IL1F10: variants seen among roughly 807,000 people sequenced by gnomAD.
IL1F10 encodes the protein interleukin 1 family member 10.
IL1F10 carries 13 observed loss-of-function variants against 13.1 expected under a neutral mutation model. The ratio of observed to expected loss-of-function variants is 0.99; its 90% CI spans 0.64 to 1.57. The LOEUF (loss-of-function observed/expected upper bound fraction) is 1.57. Among genes scored for constraint, IL1F10 ranks in the 40% most tolerant of loss-of-function variants. The probability of loss-of-function intolerance (pLI) is 0.00; values close to 1 mark genes in which losing one functional copy is unlikely to be tolerated. For missense variants in IL1F10, 191 were observed against 184.1 expected, an observed-to-expected ratio of 1.04 and a Z score of -0.22; for synonymous variants, 78 against 68.2, an observed-to-expected ratio of 1.14 and a Z score of -0.71.
At chr2:113,074,653 C>G (rs1460941192) in intron 3 of IL1F10, 70 bp from the exon 4 acceptor site, 1 of 1,585,278 alleles carries the variant, frequency 6.3e-7, no homozygotes, top group Non-Finnish European at 8.7e-7. Flanking sequence ...CCTGCCTGAG[C>G]CTTTACCTGC....
In IL1F10 at chr2:113,072,725, C is replaced by G. The variant is rs1248859233; in HGVS notation, c.-14C>G. On this transcript the variant is annotated 5_prime_UTR_variant, in exon 2 of 5. Coordinates refer to ENST00000341010, the MANE Select transcript of IL1F10 (RefSeq NM_173161.3). ...CTCCCCATCAGTGAGGACCAGACAC[C>G]ACTGATTGCAGGAATGTGTTCCCTC... is the stretch of plus-strand genomic sequence containing the variant. 6.2e-7 allele frequency: 1 copy of G among 1,612,416 alleles called. No homozygotes were observed.
intron 1 of IL1F10, among the ~76,000 whole-genome samples, chr2:113,068,728 C>A (rs890590728): frequency 5.9e-5 from 9 of 152,100 alleles, no homozygotes; most frequent in African/African-American, 2.2e-4. Context: ...AGCTGTAAGC[C>A]ATGCTTCATG....
chr2:113,072,267 A>T (rs1252390803), intron 1 of IL1F10: 2 of 154,708 alleles, frequency 1.3e-5, no homozygotes, highest in Non-Finnish European at 2.9e-5. Context: ...CTAGTTATCT[A>T]ACCCTTGGCT....
chr2:113,075,075 G>A (rs1371404454), intron 4 of IL1F10, 77 bp from the exon 5 acceptor site: 15 of 1,402,296 alleles, frequency 1.1e-5, no homozygotes, highest in Non-Finnish European at 1.5e-5. Flanking sequence ...TCCTTTTTTG[G>A]CCAAGCCCCA....
chr2:113,072,528 A>G (rs1685855792), intron 1 of IL1F10, 183 bp from the exon 2 acceptor site: 1 of 538,854 alleles, frequency 1.9e-6, no homozygotes, highest in Admixed American at 3.5e-5. Flanking sequence ...AGTCAGGGAG[A>G]GGCAGAGCTG....
At chr2:113,072,883 C>T in intron 2 of IL1F10, 113 bp downstream of exon 2, 1 of 878,860 alleles carries the variant, frequency 1.1e-6, no homozygotes. Context: ...ATTGCAAGTG[C>T]CCCATAATTA....
Position 113,070,737 on chromosome 2 carries a change from T to C in IL1F10, c.-28-1974T>C, listed in dbSNP as rs77462958. On this transcript the variant is annotated intron_variant, in intron 1 of 4. Transcript: ENST00000341010. ...GCATTGACATCACCTGGTTGCATAT[T>C]TGAAATGTACAGTCTCAGGCCCCAC... is the stretch of plus-strand genomic sequence containing the variant. Among the ~76,000 whole-genome samples the C allele has an allele frequency of 4.6e-3, 705 of 152,306 alleles. 7 individuals carry two copies. Among genetic ancestry groups the C allele is most frequent in the African/African-American group, 0.015 (642 of 41,560 alleles).
intron 3 of IL1F10, 96 bp from the exon 4 acceptor site, chr2:113,074,627 C>T (rs1558848411): frequency 6.8e-7 from 1 of 1,475,988 alleles, no homozygotes; most frequent in Non-Finnish European, 9.5e-7. Context: ...CCAGGTGTGC[C>T]CATGTCCAGT....
chr2:113,075,452 A>C lies in IL1F10; in HGVS notation c.*88A>C. On this transcript the variant is annotated 3_prime_UTR_variant, in exon 5 of 5. Coordinates refer to ENST00000341010, the MANE Select transcript of IL1F10 (RefSeq NM_173161.3). ...ATGGTAGGCAGAATAATGTCCCCCG[A>C]AATATGTCCACATCCTAATCCCAAG... is the stretch of plus-strand genomic sequence containing the variant. 1.1e-6 allele frequency: 1 copy of C among 930,658 alleles called. No individual in the cohort carries two copies. The highest frequency in any genetic ancestry group is 2.5e-5 in the East Asian group (1 of 39,366). 57.7% of individuals were successfully genotyped at this position (930,658 alleles called of 1,614,324 possible). A position where few individuals can be genotyped will look rare whatever the true frequency, so the allele number is the denominator to read the frequency against.
At chr2:113,070,503 C>T (rs1174382415) in intron 1 of IL1F10, among the ~76,000 whole-genome samples, 1 of 152,138 alleles carries the variant, frequency 6.6e-6, no homozygotes, top group African/African-American at 2.4e-5. Context: ...CACCCAGGGC[C>T]CTCCACTTTG....
At position 113,074,837 on chromosome 2, in the gene IL1F10, C is replaced by T. The variant is rs1366367422; in HGVS notation, c.233C>T (p.Ser78Phe). 2 of 1,612,150 alleles carry T rather than the reference C, an allele frequency of 1.2e-6. No homozygotes were observed. Among genetic ancestry groups the T allele is most frequent in the South Asian group, 1.1e-5 (1 of 91,006 alleles). ...TGTGTGGAGACAGAAGAGGGGCCTT[C>T]CCTACAGCTGGAGGTGAGAGGCCTC... ...LACVETEEGP[S>F]LQLEDVNIEE... Residue 78 changes from serine (S) to phenylalanine (F), a missense_variant, in exon 4 of 5, where the codon TCC becomes TTC. Transcript: ENST00000341010.
intron 2 of IL1F10, among the ~76,000 whole-genome samples, chr2:113,074,078 A>C (rs1371690984): frequency 6.6e-6 from 1 of 152,094 alleles, no homozygotes; most frequent in Non-Finnish European, 1.5e-5. Context: ...TCTCCTCTGA[A>C]GGCCTCCCCA....
chr2:113,075,094 C>T (rs1019074451), intron 4 of IL1F10, 58 bp from the exon 5 acceptor site: 20 of 1,491,354 alleles, frequency 1.3e-5, no homozygotes, highest in Middle Eastern at 1.8e-4. Context: ...CAGAGGCCTC[C>T]AGGGCTAACA....
At position 113,067,992 on chromosome 2, in the gene IL1F10, G is replaced by C. The variant is rs1685772219; in HGVS notation, c.-53G>C. Reference sequence around the variant, plus strand: ...ATCAGTTGGAGTCTCCAGGGATCAGGGTTCCAGGAACTCAGGATCTGCAGG... The same window carrying C: ...ATCAGTTGGAGTCTCCAGGGATCAGCGTTCCAGGAACTCAGGATCTGCAGG... On this transcript the variant is annotated 5_prime_UTR_variant, in exon 1 of 5. Coordinates refer to ENST00000341010, the MANE Select transcript of IL1F10 (RefSeq NM_173161.3). 4 of 152,138 alleles carry C rather than the reference G, an allele frequency of 2.6e-5. No individual in the cohort carries two copies. Among genetic ancestry groups the C allele is most frequent in the Admixed American group, 2.6e-4 (4 of 15,272 alleles). 9.4% of individuals were successfully genotyped at this position (152,138 alleles called of 1,614,324 possible).
At chr2:113,074,452 C>A in intron 3 of IL1F10, 38 bp downstream of exon 3, 1 of 1,461,726 alleles carries the variant, frequency 6.8e-7, no homozygotes, top group Non-Finnish European at 9.6e-7. Context: ...CTCCATCTGC[C>A]ATAGGCCCTC....
chr2:113,070,999 C>T (rs1389643524), intron 1 of IL1F10, among the ~76,000 whole-genome samples: 2 of 152,176 alleles, frequency 1.3e-5, no homozygotes, highest in Non-Finnish European at 2.9e-5. Context: ...ATGACTTTAA[C>T]TGAACACTTC....
chr2:113,074,699 A>T, intron 3 of IL1F10, 24 bp from the exon 4 acceptor site: 1 of 1,612,708 alleles, frequency 6.2e-7, no homozygotes, highest in Non-Finnish European at 8.5e-7. Flanking sequence ...TTGTCCCTTG[A>T]CTCTTCTCTC....
At chr2:113,074,271 C>A in intron 2 of IL1F10, 58 bp from the exon 3 acceptor site, 2 of 1,109,604 alleles carry the variant, frequency 1.8e-6, no homozygotes, top group Non-Finnish European at 2.8e-6. Flanking sequence ...AGTGGAAGGG[C>A]TTGGGGGCCA....
chr2:113,072,849 A>G (rs1573247630), intron 2 of IL1F10, 79 bp downstream of exon 2: 2 of 1,262,412 alleles, frequency 1.6e-6, no homozygotes, highest in Non-Finnish European at 1.1e-6. Flanking sequence ...GAGTCAGAGG[A>G]TGAGGCTCCT....
Sources: gnomAD v4.1 joint callset for allele counts (sites outside exome capture counted in the v4.1 genomes callset) on GRCh38, gnomAD v4.1.1 for gene constraint, MANE v1.5 for transcripts, NCBI Gene and HGNC (gene_info 2026-07-23, HGNC 2026-07-21) for gene names.